CLCN1: variants seen among roughly 807,000 people sequenced by gnomAD.
CLCN1 encodes chloride voltage-gated channel 1.
In CLCN1, 100 loss-of-function variants were observed where a neutral mutation model predicts 114.5. That is an observed-to-expected ratio of 0.87 (90% CI 0.74 to 1.03). CLCN1 has a LOEUF of 1.03. CLCN1 is among the 50% of genes least tolerant of loss of function. The pLI is 0.00. For synonymous variants in CLCN1, 485 were observed against 487.1 expected (o/e 1.00, Z 0.06); for missense variants, 1,188 against 1,250.0 (o/e 0.95, Z 0.75).
chr7:143,325,122 T>A (rs1802542984), intron 7 of CLCN1, among the ~76,000 whole-genome samples: 1 of 152,234 alleles, frequency 6.6e-6, no homozygotes, highest in Non-Finnish European at 1.5e-5. Context: ...AACAAATGGA[T>A]GTAGTCGGAG....
chr7:143,320,210 A>C (rs930534543), intron 2 of CLCN1, among the ~76,000 whole-genome samples: 2 of 152,200 alleles, frequency 1.3e-5, no homozygotes, highest in African/African-American at 4.8e-5. Context: ...CCTGGCATCA[A>C]GCAATCCTCC....
At chr7:143,323,914 C>A in intron 6 of CLCN1, 1 of 466,460 alleles carries the variant, frequency 2.1e-6, no homozygotes, top group Non-Finnish European at 4.4e-6. Flanking sequence ...TGCACTTCCT[C>A]CCTATCCCGG....
intron 16 of CLCN1, among the ~76,000 whole-genome samples, chr7:143,344,769 T>TTTA (rs1554438893): frequency 1.5e-4 from 22 of 150,442 alleles, no homozygotes; most frequent in Middle Eastern, 3.4e-3. Context: ...TTTTTTTTTT[T>TTTA]AATGAAATCT....
At position 143,316,403 on chromosome 7, in the gene CLCN1, C is replaced by T. The variant is rs540424567; in HGVS notation, c.180+11C>T. ...GTCCACCCCACACAGGTAAAGTGCT[C>T]TAAGGGGAGAGGGGAGCCATGGATG... On this transcript the variant is annotated intron_variant, in intron 1 of 22. Transcript: ENST00000343257. The T allele has an allele frequency of 9.9e-6, 16 of 1,610,578 alleles. No individual in the cohort carries two copies. The African/African-American group carries it at 1.5e-4, about 15-fold the overall frequency.
chr7:143,346,344 G>A, intron 18 of CLCN1, 93 bp downstream of exon 18: 1 of 838,460 alleles, frequency 1.2e-6, no homozygotes. Flanking sequence ...ATTCCTATGC[G>A]GGGTGGGGTG....
intron 8 of CLCN1, among the ~76,000 whole-genome samples, 158 bp downstream of exon 8, chr7:143,331,055 C>T (rs1050639099): frequency 2.6e-5 from 4 of 152,024 alleles, no homozygotes. Flanking sequence ...AGATATAGGT[C>T]ATGGAGTGGG....
At chr7:143,342,582 G>C in intron 16 of CLCN1, 77 bp downstream of exon 16, 2 of 1,492,940 alleles carry the variant, frequency 1.3e-6, no homozygotes, top group Non-Finnish European at 1.9e-6. Context: ...GAGGCCCCAT[G>C]GTGGGGGCTT....
chr7:143,323,529 G>C (rs781235162), intron 6 of CLCN1, 143 bp downstream of exon 6: 6 of 728,380 alleles, frequency 8.2e-6, no homozygotes, highest in Non-Finnish European at 1.5e-5. Flanking sequence ...TCCCTTCCTC[G>C]TCTCCCTGTC....
At position 143,321,546 on chromosome 7, in the gene CLCN1, T is replaced by A; in HGVS notation, c.562+53T>A. The A allele has an allele frequency of 6.2e-7, 1 of 1,612,948 alleles. No individual in the cohort carries two copies. Among genetic ancestry groups the A allele is most frequent in the Middle Eastern group, 1.7e-4 (1 of 6,058 alleles). The stretch of plus-strand genomic sequence containing the variant: ...GAGCTGGGTGGCCTGAGAGGGGCCC[T>A]GTCTGTCTCCCCCATCATCCAGCCC... On this transcript the variant is annotated intron_variant, in intron 4 of 22. Coordinates refer to ENST00000343257, the MANE Select transcript of CLCN1 (RefSeq NM_000083.3). The surrounding 1 kb of genome is among the most constrained non-coding windows in gnomAD (Gnocchi z 4.2).
At chr7:143,323,531 C>T (rs1174186982) in intron 6 of CLCN1, 145 bp downstream of exon 6, 1 of 729,036 alleles carries the variant, frequency 1.4e-6, no homozygotes, top group Admixed American at 2.0e-5. Context: ...CCTTCCTCGT[C>T]TCCCTGTCTG....
At position 143,333,088 on chromosome 7, in the gene CLCN1, C is replaced by T. The variant is rs1014323699; in HGVS notation, c.1401+215C>T. ...CTGAGGCAGGTGGATCACTTGATGC[C>T]AGGAGTTGGAGACCAACATAGCCAA... On this transcript the variant is annotated intron_variant, in intron 12 of 22. Transcript: ENST00000343257. 1.7e-4 allele frequency among the ~76,000 whole-genome samples: 26 copies of T among 152,072 alleles called. 1 individual carries two copies. The highest frequency in any genetic ancestry group is 6.3e-4 in the African/African-American group (26 of 41,404).
rs953366109 is a variant in CLCN1 at position 143,321,239 on chromosome 7, C to T, written c.434-126C>T. On this transcript the variant is annotated intron_variant, in intron 3 of 22. Transcript: ENST00000343257. This position sits in a 1 kb window ranked among gnomAD's most constrained non-coding sequence, Gnocchi z 4.2. ...AGGCTTCCCATGTGTCAAATGAGAG[C>T]AGCACCATCTCAGAAGGGGCACACA... 5.4e-6 allele frequency: 6 copies of T among 1,117,984 alleles called. No homozygotes were observed. Among genetic ancestry groups the T allele is most frequent in the Non-Finnish European group, 7.9e-6 (6 of 759,968 alleles). The allele number at this position is 1,117,984 out of a possible 1,614,324, so 69.3% of individuals were successfully genotyped here.
intron 1 of CLCN1, among the ~76,000 whole-genome samples, chr7:143,318,396 T>G (rs1377784660): frequency 6.6e-6 from 1 of 152,162 alleles, no homozygotes; most frequent in East Asian, 1.9e-4. Context: ...CTAATTTTTG[T>G]ATTTTTAGTA....
intron 10 of CLCN1, 146 bp downstream of exon 10, chr7:143,331,798 G>T: frequency 4.3e-6 from 3 of 691,468 alleles, no homozygotes; most frequent in Non-Finnish European, 7.9e-6. Context: ...TGGTTAGGGG[G>T]TGAATTGTGT....
intron 12 of CLCN1, among the ~76,000 whole-genome samples, chr7:143,337,914 A>C (rs887002550): frequency 1.2e-3 from 166 of 133,636 alleles, no homozygotes; most frequent in African/African-American, 4.3e-3. Context: ...GCAAGCTCCA[A>C]CTCCCGGGTT....
chr7:143,345,771 G>T lies in CLCN1; in HGVS notation c.2172+9G>T. 1.9e-6 allele frequency: 3 copies of T among 1,607,448 alleles called. No homozygotes were observed. Among genetic ancestry groups the T allele is most frequent in the Non-Finnish European group, 2.5e-6 (3 of 1,177,702 alleles). ...TCTCTGGCAAGAGCGAGGTGACCGC[G>T]CCGGGAAGGGCTAGGGAGTGGGATA... On this transcript the variant is annotated intron_variant, in intron 17 of 22. Coordinates refer to ENST00000343257, the MANE Select transcript of CLCN1 (RefSeq NM_000083.3).
chr7:143,318,361 T>C (rs1802343027), intron 1 of CLCN1, among the ~76,000 whole-genome samples: 1 of 152,176 alleles, frequency 6.6e-6, no homozygotes, highest in Admixed American at 6.5e-5. Flanking sequence ...TAGCTGAGAT[T>C]ACAGGCATGC....
intron 19 of CLCN1, 43 bp downstream of exon 19, chr7:143,346,701 G>C: frequency 6.6e-7 from 1 of 1,525,374 alleles, no homozygotes; most frequent in South Asian, 1.1e-5. Flanking sequence ...AAGGGAGCCT[G>C]CCCTTGAAGA....
At chr7:143,323,647 C>T (rs963735069) in intron 6 of CLCN1, 1 of 631,614 alleles carries the variant, frequency 1.6e-6, no homozygotes, top group Non-Finnish European at 3.0e-6. Flanking sequence ...GTCGTCTGCT[C>T]CCATGCTCTC....
Sources: allele counts gnomAD v4.1 joint callset (sites outside exome capture counted in the v4.1 genomes callset), GRCh38; gene constraint gnomAD v4.1.1; non-coding constraint Gnocchi (gnomAD v3.1); transcripts MANE v1.5; gene names NCBI Gene and HGNC (gene_info 2026-07-23, HGNC 2026-07-21).